Variants in PRKCA observed in about 807,000 individuals in gnomAD.
PRKCA encodes protein kinase C alpha.
Under a neutral mutation model 87.0 loss-of-function variants are expected in PRKCA, and 27 were observed. The observed-to-expected ratio is 0.31, with a 90% CI of 0.23 to 0.43. The LOEUF (loss-of-function observed/expected upper bound fraction) is 0.43. PRKCA is among the 20% of genes least tolerant of loss of function. The pLI is 1.00. For synonymous variants in PRKCA, 329 were observed against 311.1 expected, an observed-to-expected ratio of 1.06 and a Z score of -0.61; for missense variants, 518 against 852.3, an observed-to-expected ratio of 0.61 and a Z score of 4.88.
chr17:66,377,721 A>ATATATATATTT (rs1350881561), intron 2 of PRKCA, among the ~76,000 whole-genome samples: 1 of 69,150 alleles, frequency 1.4e-5, no homozygotes, highest in Non-Finnish European at 2.5e-5. Context: ...ATATATATAT[A>ATATATATATTT]TTTTTTTTTT....
intron 3 of PRKCA, among the ~76,000 whole-genome samples, chr17:66,517,540 T>C (rs1365077022): frequency 2.0e-5 from 3 of 152,226 alleles, no homozygotes; most frequent in East Asian, 3.9e-4. Flanking sequence ...GAATCTGGCA[T>C]GTATCTGGCT....
At chr17:66,580,727 C>T (rs1239840166) in intron 3 of PRKCA, among the ~76,000 whole-genome samples, 2 of 152,180 alleles carry the variant, frequency 1.3e-5, no homozygotes, top group African/African-American at 2.4e-5. Context: ...AAAACATGCC[C>T]GGATTTGCAC....
intron 3 of PRKCA, among the ~76,000 whole-genome samples, chr17:66,583,420 A>C (rs1046070751): frequency 6.6e-6 from 1 of 152,230 alleles, no homozygotes; most frequent in Non-Finnish European, 1.5e-5. Context: ...ATCAAGTCTT[A>C]AGTGCTTTGC....
chr17:66,639,730 C>A (rs926889638), intron 3 of PRKCA, among the ~76,000 whole-genome samples: 12 of 151,966 alleles, frequency 7.9e-5, no homozygotes, highest in African/African-American at 2.9e-4. Flanking sequence ...GGCGCGGTGG[C>A]GCATGCCTGT....
chr17:66,429,625 C>T (rs1912998388), intron 2 of PRKCA, among the ~76,000 whole-genome samples: 4 of 152,022 alleles, frequency 2.6e-5, no homozygotes, highest in Non-Finnish European at 2.9e-5. Flanking sequence ...AGGTAACTTC[C>T]TCACCTAAGG....
chr17:66,782,237 T>G (rs1325304691), intron 14 of PRKCA, among the ~76,000 whole-genome samples: 2 of 151,202 alleles, frequency 1.3e-5, no homozygotes, highest in African/African-American at 2.4e-5. Context: ...TTATCACAAT[T>G]AAGAAAAAAT....
intron 3 of PRKCA, among the ~76,000 whole-genome samples, chr17:66,511,226 A>G (rs542738871): frequency 1.3e-5 from 2 of 152,292 alleles, no homozygotes; most frequent in African/African-American, 4.8e-5. Flanking sequence ...TTTAAAACAT[A>G]AGAATTTCAT....
chr17:66,800,214 G>C (rs1229240184), intron 16 of PRKCA, among the ~76,000 whole-genome samples: 1 of 152,236 alleles, frequency 6.6e-6, no homozygotes, highest in Non-Finnish European at 1.5e-5. Flanking sequence ...CCCTCTTTGA[G>C]TTCAGGGAAA....
chr17:66,670,870 A>G (rs960956163), intron 5 of PRKCA, among the ~76,000 whole-genome samples: 20 of 152,068 alleles, frequency 1.3e-4, no homozygotes, highest in African/African-American at 3.6e-4. Context: ...TCAAAAATAA[A>G]TTTAAAAAAA....
chr17:66,636,321 G>GCATC (rs1567946181), intron 3 of PRKCA, among the ~76,000 whole-genome samples: 1 of 152,228 alleles, frequency 6.6e-6, no homozygotes, highest in African/African-American at 2.4e-5. Flanking sequence ...CCATGCTCCT[G>GCATC]CATCCCATTG....
intron 14 of PRKCA, among the ~76,000 whole-genome samples, chr17:66,778,836 C>T (rs918791877): frequency 1.3e-5 from 2 of 149,796 alleles, no homozygotes; most frequent in African/African-American, 2.5e-5. Flanking sequence ...GAGAGTGAGA[C>T]CCTGTCTCCA....
intron 3 of PRKCA, among the ~76,000 whole-genome samples, chr17:66,625,193 A>G (rs1970818074): frequency 6.6e-6 from 1 of 152,238 alleles, no homozygotes; most frequent in Non-Finnish European, 1.5e-5. Flanking sequence ...TTGGCTGTCA[A>G]ATGTTGTGTG....
Position 66,810,732 on chromosome 17 carries a change from T to A in PRKCA, c.*6695T>A, listed in dbSNP as rs1398796796. 6.6e-6 allele frequency: 1 copy of A among 152,162 alleles called. No homozygotes were observed. Among genetic ancestry groups the A allele is most frequent in the Non-Finnish European group, 1.5e-5 (1 of 68,030 alleles). 9.4% of individuals were successfully genotyped at this position (152,162 alleles called of 1,614,324 possible). The stretch of plus-strand genomic sequence containing the variant: ...GGAAGCAAGTGTGTATGAATAAAGA[T>A]AATGATCATTCCTTTGTGTAGTTGG... On this transcript the variant is annotated 3_prime_UTR_variant, in exon 17 of 17. Transcript: ENST00000413366.
In PRKCA at chr17:66,804,249, A is replaced by G. The variant is rs904502045; in HGVS notation, c.*212A>G. 3.3e-6 allele frequency: 2 copies of G among 602,858 alleles called. No homozygotes were observed. Among genetic ancestry groups the G allele is most frequent in the Non-Finnish European group, 5.3e-6 (2 of 376,750 alleles). The allele number at this position is 602,858 out of a possible 1,614,324, so 37.3% of individuals were successfully genotyped here. A position where few individuals can be genotyped will look rare whatever the true frequency, so the allele number is the denominator to read the frequency against. ...TTATCTTAGTGGAAGATGGTACGTC[A>G]TGCTCAGTGTCCAGTTTAATTCTGT... On this transcript the variant is annotated 3_prime_UTR_variant, in exon 17 of 17. Coordinates refer to ENST00000413366, the MANE Select transcript of PRKCA (RefSeq NM_002737.3).
At chr17:66,658,491 AAACAACAAC>A (rs61208838) in intron 5 of PRKCA, among the ~76,000 whole-genome samples, 63,393 of 150,254 alleles carry the variant, frequency 0.42, 13,418 homozygotes, top group East Asian at 0.5. Flanking sequence ...CTGTCTTCAA[AAACAACAAC>A]AACAACAACA....
At chr17:66,558,831 A>C (rs951643016) in intron 3 of PRKCA, among the ~76,000 whole-genome samples, 16 of 152,148 alleles carry the variant, frequency 1.1e-4, no homozygotes, top group African/African-American at 3.9e-4. Flanking sequence ...GAAGGTCTGC[A>C]TGGAGGTTCG....
intron 2 of PRKCA, among the ~76,000 whole-genome samples, chr17:66,483,506 G>C (rs1394888857): frequency 6.7e-6 from 1 of 149,806 alleles, no homozygotes; most frequent in Non-Finnish European, 1.5e-5. Context: ...CTGTCGCCCA[G>C]GCTGTGGAGT....
intron 10 of PRKCA, among the ~76,000 whole-genome samples, chr17:66,737,444 G>T (rs12451026): frequency 0.28 from 41,861 of 152,132 alleles, 5,838 homozygotes; most frequent in Middle Eastern, 0.36. Flanking sequence ...CTCCTCAGAG[G>T]CTGCCCATTT....
At position 66,798,381 on chromosome 17, in the gene PRKCA, T is replaced by C. The variant is rs1396570244; in HGVS notation, c.1855-5492T>C. On this transcript the variant is annotated intron_variant, in intron 16 of 16. Transcript: ENST00000413366. ...TTTCCTTATCTTTTTCAGTAGGCGG[T>C]GGTGGTGGTGGTGGTGGTGGTGGTG... Among the ~76,000 whole-genome samples the C allele has an allele frequency of 3.8e-4, 40 of 104,090 alleles. 1 individual carries two copies. The highest frequency in any genetic ancestry group is 2.9e-3 in the Admixed American group (32 of 10,930). The allele number at this position is 104,090 out of a possible 152,430, so 68.3% of individuals were successfully genotyped here.
Sources: gnomAD v4.1 joint callset for allele counts (sites outside exome capture counted in the v4.1 genomes callset) on GRCh38, gnomAD v4.1.1 for gene constraint, MANE v1.5 for transcripts, NCBI Gene and HGNC (gene_info 2026-07-23, HGNC 2026-07-21) for gene names.